Variants in TPO observed in about 807,000 individuals in gnomAD.
The protein encoded by TPO is thyroid peroxidase.
TPO carries 78 observed loss-of-function variants against 96.9 expected under a neutral mutation model. That is an observed-to-expected ratio of 0.81 (90% confidence interval 0.67 to 0.97). The LOEUF (loss-of-function observed/expected upper bound fraction) is 0.97. Among genes scored for constraint, TPO ranks in the 50% least tolerant of loss-of-function variants. TPO has a pLI of 0.00. For synonymous variants in TPO, 547 were observed against 538.0 expected (o/e 1.02, Z -0.23); for missense variants, 1,252 against 1,274.8 (o/e 0.98, Z 0.27).
At chr2:1,458,908 AAAT>A (rs1668139969) in intron 7 of TPO, among the ~76,000 whole-genome samples, 1 of 152,122 alleles carries the variant, frequency 6.6e-6, no homozygotes, top group African/African-American at 2.4e-5. Flanking sequence ...ATGCTGTCAC[AAAT>A]AATGAAGCAA....
intron 6 of TPO, 121 bp downstream of exon 6, chr2:1,453,944 C>T: frequency 7.0e-7 from 1 of 1,424,322 alleles, no homozygotes; most frequent in Non-Finnish European, 9.7e-7. Context: ...CCTTCAGATC[C>T]TCCCAGCCTC....
chr2:1,494,897 C>G (rs1307020660), intron 11 of TPO, among the ~76,000 whole-genome samples: 1 of 152,138 alleles, frequency 6.6e-6, no homozygotes, highest in African/African-American at 2.4e-5. Flanking sequence ...TCTCTAATTT[C>G]TGAGATGCAG....
intron 15 of TPO, among the ~76,000 whole-genome samples, chr2:1,521,597 G>T (rs370581958): frequency 1.3e-5 from 2 of 152,156 alleles, no homozygotes; most frequent in Non-Finnish European, 2.9e-5. Context: ...GCATGTTGAT[G>T]ACAGGAATTG....
chr2:1,437,491 G>A (rs1469010896), intron 5 of TPO, among the ~76,000 whole-genome samples: 1 of 152,110 alleles, frequency 6.6e-6, no homozygotes, highest in African/African-American at 2.4e-5. Flanking sequence ...CAGAGCCCTG[G>A]CTTGGACAGG....
chr2:1,523,649 C>G (rs1290430626), intron 15 of TPO, among the ~76,000 whole-genome samples: 2 of 121,808 alleles, frequency 1.6e-5, no homozygotes, highest in Non-Finnish European at 3.4e-5. Context: ...AATCACCCCC[C>G]ACTGTGTTCA....
At chr2:1,482,854 A>T (rs1264236448) in intron 8 of TPO, among the ~76,000 whole-genome samples, 4 of 152,030 alleles carry the variant, frequency 2.6e-5, no homozygotes, top group South Asian at 2.1e-4. Flanking sequence ...TTAATTTTTT[A>T]AATTTTTTTG....
At chr2:1,508,607 G>A (rs551641306) in intron 14 of TPO, among the ~76,000 whole-genome samples, 63 of 152,290 alleles carry the variant, frequency 4.1e-4, no homozygotes, top group African/African-American at 1.5e-3. Flanking sequence ...TCCTGGTTTA[G>A]TCTTGGGAAG....
At chr2:1,462,363 G>A (rs571998078) in intron 7 of TPO, among the ~76,000 whole-genome samples, 9 of 152,132 alleles carry the variant, frequency 5.9e-5, no homozygotes, top group African/African-American at 2.2e-4. Flanking sequence ...AACCCTCAGG[G>A]GACGACTTGA....
intron 5 of TPO, among the ~76,000 whole-genome samples, chr2:1,447,930 C>T (rs910254423): frequency 2.0e-5 from 3 of 152,208 alleles, no homozygotes; most frequent in Admixed American, 2.0e-4. Flanking sequence ...CCACATTTCT[C>T]TTTAAGCCTA....
chr2:1,499,576 T>G (rs1672674222), intron 13 of TPO, among the ~76,000 whole-genome samples: 4 of 139,550 alleles, frequency 2.9e-5, no homozygotes, highest in Admixed American at 2.8e-4. Flanking sequence ...CTGCGGCGTC[T>G]GGGGCCACCA....
rs1227875418 is a variant in TPO, at chr2:1,477,523, G to A, written c.1257G>A (p.Ala419=). 1.3e-6 allele frequency: 2 copies of A among 1,532,952 alleles called. No homozygotes were observed. Among genetic ancestry groups the A allele is most frequent in the Non-Finnish European group, 1.7e-6 (2 of 1,145,050 alleles). The allele number at this position is 1,532,952 out of a possible 1,614,324, so 95.0% of individuals were successfully genotyped here. The change falls in exon 8 of 17, where the codon GCG becomes GCA. Residue 419 remains alanine, a synonymous_variant. Transcript: ENST00000329066. ...TGCGCGAGCACAACCGCCTGGCCGC[G>A]GCGCTCAAGGCCCTCAATGCGCACT... is the stretch of plus-strand genomic sequence containing the variant. ...LWLREHNRLA[A]ALKALNAHWS... is the part of the protein sequence containing the mutation.
chr2:1,456,201 G>A lies in TPO; in HGVS notation c.738G>A (p.Gln246=), dbSNP rs770096523. The change falls in exon 7 of 17, where the codon CAG becomes CAA. Residue 246 remains glutamine (Q), a synonymous_variant. Transcript: ENST00000329066. ...ACCACGACATCGCGTTCACACCACAGAGCACCAGCAAAGCTGCCTTCGGGG... is the reference window on the plus strand; with the variant it reads ...ACCACGACATCGCGTTCACACCACAAAGCACCAGCAAAGCTGCCTTCGGGG... ...YIDHDIAFTP[Q]STSKAAFGGG... is the part of the protein sequence containing the mutation. The A allele has an allele frequency of 9.3e-6, 15 of 1,614,120 alleles. No homozygotes were observed. In the South Asian group the frequency reaches 1.3e-4, roughly 14 times the overall value.
chr2:1,477,594 C>T lies in TPO; in HGVS notation c.1328C>T (p.Ala443Val). Residue 443 changes from alanine (A) to valine (V), a missense_variant, in exon 8 of 17, where the codon GCT becomes GTT. Coordinates refer to ENST00000329066, the MANE Select transcript of TPO (RefSeq NM_001206744.2). The stretch of plus-strand genomic sequence containing the variant: ...CAGGAGGCGCGCAAGGTCGTGGGCG[C>T]TCTGCACCAGGTGCGCGGGGTGGTC... ...VYQEARKVVG[A>V]LHQIITLRDY... is the part of the protein sequence containing the mutation. The T allele has an allele frequency of 6.5e-7, 1 of 1,529,442 alleles. No individual in the cohort carries two copies. The highest frequency in any genetic ancestry group is 8.7e-7 in the Non-Finnish European group (1 of 1,144,130). The allele number at this position is 1,529,442 out of a possible 1,614,324, so 94.7% of individuals were successfully genotyped here. A position where few individuals can be genotyped will look rare whatever the true frequency, so the allele number is the denominator to read the frequency against.
intron 14 of TPO, among the ~76,000 whole-genome samples, chr2:1,510,268 CATT>C (rs1406811069): frequency 1.5e-4 from 23 of 152,202 alleles, no homozygotes; most frequent in Admixed American, 1.4e-3. Context: ...CTGCTTTCCG[CATT>C]ATTATTACAA....
chr2:1,502,475 C>T (rs1473696804), intron 13 of TPO, among the ~76,000 whole-genome samples: 7 of 152,126 alleles, frequency 4.6e-5, no homozygotes, highest in African/African-American at 1.4e-4. Flanking sequence ...CTGCAACCTC[C>T]GCTTCCTGAG....
chr2:1,426,163 A>G (rs1465083190), intron 3 of TPO, among the ~76,000 whole-genome samples: 3 of 145,414 alleles, frequency 2.1e-5, no homozygotes, highest in African/African-American at 7.9e-5. Flanking sequence ...CAGGATACAG[A>G]GATGAGTTCG....
chr2:1,404,303 C>T (rs561754308), intron 1 of TPO, among the ~76,000 whole-genome samples: 1 of 152,300 alleles, frequency 6.6e-6, no homozygotes, highest in South Asian at 2.1e-4. Flanking sequence ...GCCCATTCTA[C>T]ATCTTTGGTA....
chr2:1,498,298 G>A (rs764928728), intron 13 of TPO, among the ~76,000 whole-genome samples: 8 of 152,186 alleles, frequency 5.3e-5, no homozygotes, highest in Non-Finnish European at 8.8e-5. Context: ...GTAGGGGTGC[G>A]GCTCCCGCCA....
intron 6 of TPO, among the ~76,000 whole-genome samples, chr2:1,455,005 A>G (rs1667657210): frequency 6.6e-6 from 1 of 152,186 alleles, no homozygotes. Flanking sequence ...TCTTTCTGGA[A>G]GCTCCAGGGG....
Sources: allele counts gnomAD v4.1 joint callset (sites outside exome capture counted in the v4.1 genomes callset), GRCh38; gene constraint gnomAD v4.1.1; transcripts MANE v1.5; gene names NCBI Gene and HGNC (gene_info 2026-07-23, HGNC 2026-07-21).